The following EYS variants were observed in gnomAD, a reference collection of about 807,000 sequenced individuals.
The protein encoded by EYS is protein eyes shut homolog.
In EYS, 250 loss-of-function variants were observed where a neutral mutation model predicts 282.1. The ratio of observed to expected loss-of-function variants is 0.89; its 90% confidence interval spans 0.80 to 0.98. The LOEUF (loss-of-function observed/expected upper bound fraction) is 0.98. Among genes scored for constraint, EYS ranks in the 50% least tolerant of loss-of-function variants. The pLI is 0.00. For synonymous variants in EYS, 1,355 were observed against 1,282.9 expected, an observed-to-expected ratio of 1.06 and a Z score of -1.20; for missense variants, 4,016 against 3,709.0, an observed-to-expected ratio of 1.08 and a Z score of -2.15.
intron 2 of EYS, among the ~76,000 whole-genome samples, chr6:65,597,287 G>A (rs1049458785): frequency 2.0e-5 from 3 of 151,994 alleles, no homozygotes; most frequent in African/African-American, 7.2e-5. Context: ...TTTGAGCATT[G>A]AGATTTTTGT....
chr6:64,602,786 T>C (rs1766802562), intron 24 of EYS, among the ~76,000 whole-genome samples: 1 of 152,198 alleles, frequency 6.6e-6, no homozygotes, highest in African/African-American at 2.4e-5. Context: ...TGTTTAATGC[T>C]GCCAAACAGG....
At chr6:64,629,629 C>T (rs1317352058) in intron 22 of EYS, among the ~76,000 whole-genome samples, 1 of 151,842 alleles carries the variant, frequency 6.6e-6, no homozygotes, top group Non-Finnish European at 1.5e-5. Context: ...TTTTTGTTTA[C>T]TGTTCTAAGT....
Position 65,517,338 on chromosome 6 carries a change from C to A in EYS, c.-332-21345G>T, listed in dbSNP as rs201214120. ...TTGGAATCTGTTTTTTTCAAAACAA[C>A]AACAAAAAAAAAACAAAAGCTCAAA... On this transcript the variant is annotated intron_variant, in intron 2 of 42. Coordinates refer to ENST00000503581, the MANE Select transcript of EYS (RefSeq NM_001142800.2). Among the ~76,000 whole-genome samples, 329 of 81,798 alleles carry A rather than the reference C, an allele frequency of 4.0e-3. 2 individuals are homozygous for A. The highest frequency in any genetic ancestry group is 0.013 in the African/African-American group (228 of 17,460). 53.7% of individuals were successfully genotyped at this position (81,798 alleles called of 152,430 possible). A position where few individuals can be genotyped will look rare whatever the true frequency, so the allele number is the denominator to read the frequency against.
rs1471424153 is a variant in EYS, at chr6:65,353,536, A to T, written c.1381T>A (p.Cys461Ser). The change falls in exon 9 of 43, where the codon TGT (cysteine) becomes AGT (serine). Residue 461 changes from cysteine (C) to serine (S), a missense_variant. Coordinates refer to ENST00000503581, the MANE Select transcript of EYS (RefSeq NM_001142800.2). ...CAAATACCATGGAAGGTGACTCCAC[A>T]GTAGCAGAGGTGTTGATGAATTAGG... ...VYLIHQHLCYCGVTFHGICQD... is the reference protein window; with the variant it reads ...VYLIHQHLCYSGVTFHGICQD... The T allele has an allele frequency of 5.0e-6, 8 of 1,613,030 alleles. No individual in the cohort carries two copies. Among genetic ancestry groups the T allele is most frequent in the Non-Finnish European group, 6.8e-6 (8 of 1,179,348 alleles).
At chr6:65,063,089 T>C (rs1210582765) in intron 12 of EYS, among the ~76,000 whole-genome samples, 2 of 151,762 alleles carry the variant, frequency 1.3e-5, no homozygotes, top group African/African-American at 2.4e-5. Flanking sequence ...TATTAGTATA[T>C]GAAAATTACA....
At chr6:64,029,057 C>T (rs941248862) in intron 33 of EYS, among the ~76,000 whole-genome samples, 1 of 152,068 alleles carries the variant, frequency 6.6e-6, no homozygotes, top group African/African-American at 2.4e-5. Context: ...TAGCCAGGCC[C>T]CTCTATACAC....
chr6:65,648,320 G>GTA (rs1767529071), intron 1 of EYS, among the ~76,000 whole-genome samples: 2 of 103,240 alleles, frequency 1.9e-5, no homozygotes, highest in Non-Finnish European at 4.4e-5. Flanking sequence ...ATATATGTGT[G>GTA]TGTGTGTGTG....
intron 13 of EYS, among the ~76,000 whole-genome samples, chr6:65,003,684 T>C (rs1276793279): frequency 6.8e-6 from 1 of 147,204 alleles, no homozygotes; most frequent in Non-Finnish European, 1.5e-5. Context: ...CTCTCTTTTG[T>C]ACTCTGTCCC....
intron 31 of EYS, among the ~76,000 whole-genome samples, chr6:64,155,911 A>T (rs141087624): frequency 5.8e-4 from 88 of 152,122 alleles, no homozygotes; most frequent in African/African-American, 2.0e-3. Flanking sequence ...AGCAGAAAAC[A>T]TGTGGAACTC....
rs62415462 is a variant in EYS at position 64,718,566 on chromosome 6, A to G, written c.3444-92321T>C. Among the ~76,000 whole-genome samples, 811 of 152,172 alleles carry G rather than the reference A, an allele frequency of 5.3e-3. 4 individuals carry two copies. Among genetic ancestry groups the G allele is most frequent in the Non-Finnish European group, 9.2e-3 (629 of 68,012 alleles). On this transcript the variant is annotated intron_variant, in intron 22 of 42. Coordinates refer to ENST00000503581, the MANE Select transcript of EYS (RefSeq NM_001142800.2). ...GAAGTTGTTGAATGTTATACACTTC[A>G]CCTCATCTCCACCTTAACATTCACG...
chr6:64,435,438 C>CTTTT (rs71551587), intron 28 of EYS, among the ~76,000 whole-genome samples: 1 of 135,224 alleles, frequency 7.4e-6, no homozygotes, highest in Non-Finnish European at 1.6e-5. Flanking sequence ...CTTCTTCTTC[C>CTTTT]TTTTTTTTTT....
chr6:65,644,151 C>T (rs1208477110), intron 1 of EYS, among the ~76,000 whole-genome samples: 2 of 151,916 alleles, frequency 1.3e-5, no homozygotes, highest in African/African-American at 4.8e-5. Context: ...AAGTGAAATC[C>T]AACTTGAAAT....
intron 34 of EYS, among the ~76,000 whole-genome samples, chr6:63,989,673 C>T (rs1344897866): frequency 6.6e-6 from 1 of 151,270 alleles, no homozygotes. Context: ...ACATGAAATC[C>T]AATCCTGCTT....
intron 36 of EYS, chr6:63,806,693 A>G (rs1042541729): frequency 5.7e-6 from 1 of 175,114 alleles, no homozygotes; most frequent in Non-Finnish European, 1.2e-5. Context: ...CTGGCAGCCA[A>G]ACAAAGTATT....
At chr6:63,917,205 C>T (rs557327653) in intron 35 of EYS, among the ~76,000 whole-genome samples, 4 of 152,238 alleles carry the variant, frequency 2.6e-5, no homozygotes, top group Non-Finnish European at 1.5e-5. Context: ...ACTTCAGGAT[C>T]TTGCAACCCA....
At chr6:65,672,912 G>A (rs1260239442) in intron 1 of EYS, among the ~76,000 whole-genome samples, 1 of 152,006 alleles carries the variant, frequency 6.6e-6, no homozygotes, top group Non-Finnish European at 1.5e-5. Flanking sequence ...ATTTGGGTGG[G>A]TAGTGGAAAA....
At chr6:64,893,386 G>A (rs1767350344) in intron 18 of EYS, among the ~76,000 whole-genome samples, 1 of 152,056 alleles carries the variant, frequency 6.6e-6, no homozygotes, top group South Asian at 2.1e-4. Flanking sequence ...AGGCATGTAT[G>A]TAGTAACTAC....
At chr6:65,188,621 A>T (rs1458601571) in intron 12 of EYS, among the ~76,000 whole-genome samples, 1 of 151,692 alleles carries the variant, frequency 6.6e-6, no homozygotes, top group African/African-American at 2.4e-5. Context: ...TTAATGTTCT[A>T]ATCAGCTGAC....
intron 8 of EYS, among the ~76,000 whole-genome samples, chr6:65,363,427 A>AT (rs1193352159): frequency 2.6e-5 from 4 of 151,936 alleles, no homozygotes; most frequent in Admixed American, 2.6e-4. Context: ...GACTCTACTC[A>AT]TTTTTTGTTA....
Sources: allele counts gnomAD v4.1 joint callset (sites outside exome capture counted in the v4.1 genomes callset), GRCh38; gene constraint gnomAD v4.1.1; transcripts MANE v1.5; gene names NCBI Gene and HGNC (gene_info 2026-07-23, HGNC 2026-07-21).